The following GMDS variants were observed in gnomAD, a reference collection of about 807,000 sequenced individuals.
GMDS encodes GDP-mannose 4,6 dehydratase.
In GMDS, 20 loss-of-function variants were observed where a neutral mutation model predicts 49.9. That is an observed-to-expected ratio of 0.40 (90% CI 0.28 to 0.58). The LOEUF (loss-of-function observed/expected upper bound fraction) is 0.58. Ranked by LOEUF, GMDS falls within the 20% of genes least tolerant of loss-of-function variation. GMDS has a pLI of 0.42. For synonymous variants in GMDS, 177 were observed against 178.6 expected, an observed-to-expected ratio of 0.99 and a Z score of 0.07; for missense variants, 362 against 481.4, an observed-to-expected ratio of 0.75 and a Z score of 2.32.
chr6:1,712,858 G>A (rs904912136), intron 9 of GMDS, among the ~76,000 whole-genome samples: 2 of 152,220 alleles, frequency 1.3e-5, no homozygotes, highest in Admixed American at 6.5e-5. Context: ...GATTTCAATA[G>A]AGGTTGTTAG....
chr6:1,709,544 G>C (rs1765875012), intron 9 of GMDS, among the ~76,000 whole-genome samples: 1 of 152,224 alleles, frequency 6.6e-6, no homozygotes, highest in African/African-American at 2.4e-5. Context: ...CAACATCTCA[G>C]AGGTGACGTG....
intron 3 of GMDS, 104 bp from the exon 4 acceptor site, chr6:2,115,984 G>A: frequency 2.8e-6 from 2 of 709,254 alleles, no homozygotes; most frequent in Non-Finnish European, 5.1e-6. Context: ...TGAAAACCAG[G>A]GTCAAAATGG....
chr6:1,740,890 GT>G (rs1767244493), intron 8 of GMDS, among the ~76,000 whole-genome samples: 1 of 151,944 alleles, frequency 6.6e-6, no homozygotes, highest in African/African-American at 2.4e-5. Flanking sequence ...AATGTCATTA[GT>G]TTCCTGCACA....
At chr6:2,222,093 G>GCTT (rs1486090979) in intron 1 of GMDS, among the ~76,000 whole-genome samples, 1 of 152,224 alleles carries the variant, frequency 6.6e-6, no homozygotes, top group African/African-American at 2.4e-5. Flanking sequence ...GAGGTGATTA[G>GCTT]CTGGAAGCGA....
intron 7 of GMDS, among the ~76,000 whole-genome samples, chr6:1,862,933 A>T (rs556988101): frequency 1.3e-5 from 2 of 152,246 alleles, no homozygotes; most frequent in Non-Finnish European, 2.9e-5. Flanking sequence ...CTGAGAAAAC[A>T]TCCCAAAAAT....
rs68148013 is a variant in GMDS, at chr6:1,927,267, AT to A, written c.771+2835del. The stretch of plus-strand genomic sequence containing the variant: ...TATTCAGAGGGTAGCGTGTTGGTGT[AT>A]TTTTATTCGGAGGGTAGCGTGTTGG... On this transcript the variant is annotated intron_variant, in intron 7 of 10. Coordinates refer to ENST00000380815, the MANE Select transcript of GMDS (RefSeq NM_001500.4). Among the ~76,000 whole-genome samples, 9 of 1,004 alleles carry A rather than the reference AT, an allele frequency of 9.0e-3. 1 individual carries two copies. Among genetic ancestry groups the A allele is most frequent in the Non-Finnish European group, 0.017 (6 of 360 alleles). 0.7% of individuals were successfully genotyped at this position (1,004 alleles called of 152,430 possible). A position where few individuals can be genotyped will look rare whatever the true frequency, so the allele number is the denominator to read the frequency against.
chr6:1,982,582 A>G (rs957067067), intron 4 of GMDS, among the ~76,000 whole-genome samples: 1 of 152,194 alleles, frequency 6.6e-6, no homozygotes, highest in South Asian at 2.1e-4. Flanking sequence ...TACACCAACC[A>G]CACGCAGGCT....
rs1047346375 is a variant in GMDS at position 1,635,038 on chromosome 6, C to T, written c.988-10498G>A. 4.6e-5 allele frequency among the ~76,000 whole-genome samples: 7 copies of T among 152,176 alleles called. No homozygotes were observed. Among genetic ancestry groups the T allele is most frequent in the African/African-American group, 1.2e-4 (5 of 41,440 alleles). On this transcript the variant is annotated intron_variant, in intron 9 of 10. Coordinates refer to ENST00000380815, the MANE Select transcript of GMDS (RefSeq NM_001500.4). This position sits in a 1 kb window ranked among gnomAD's most constrained non-coding sequence, Gnocchi z 4.7. The stretch of plus-strand genomic sequence containing the variant: ...AGCGAAGTTCTCCTAGTGGAGTCTG[C>T]GTGTGCCTCTCACCACAGCCCTGCC...
intron 7 of GMDS, among the ~76,000 whole-genome samples, chr6:1,754,165 A>G (rs190510564): frequency 5.2e-4 from 79 of 152,296 alleles, no homozygotes; most frequent in Non-Finnish European, 1.5e-4. Flanking sequence ...AAAAGAGAGA[A>G]GAATCAAATA....
intron 4 of GMDS, among the ~76,000 whole-genome samples, chr6:1,985,130 C>CT (rs1445413343): frequency 2.6e-5 from 4 of 152,120 alleles, no homozygotes; most frequent in Non-Finnish European, 5.9e-5. Flanking sequence ...AGTTAAGTGT[C>CT]TAAAAAAAGA....
rs66490758 is a variant in GMDS, at chr6:1,669,917, C to CAAAAAA, written c.988-45383_988-45378dup. 4.4e-4 allele frequency among the ~76,000 whole-genome samples: 20 copies of CAAAAAA among 45,224 alleles called. 1 individual carries two copies. The highest frequency in any genetic ancestry group is 9.6e-4 in the African/African-American group (10 of 10,448). The allele number at this position is 45,224 out of a possible 152,430, so 29.7% of individuals were successfully genotyped here. On this transcript the variant is annotated intron_variant, in intron 9 of 10. Transcript: ENST00000380815. Reference sequence around the variant, plus strand: ...GAAAAAGCGAGACGAGACTCCATCTCAAAAAAAAAAAAAAAAAAAAAAAGC... The same window carrying CAAAAAA: ...GAAAAAGCGAGACGAGACTCCATCTCAAAAAAAAAAAAAAAAAAAAAAAAAAAAAGC...
chr6:2,160,253 T>G (rs4959641), intron 1 of GMDS, among the ~76,000 whole-genome samples: 6,195 of 152,286 alleles, frequency 0.041, 256 homozygotes, highest in South Asian at 0.13. Flanking sequence ...AGAGTGAAGT[T>G]CGGATAACAA....
intron 7 of GMDS, among the ~76,000 whole-genome samples, chr6:1,883,485 A>T (rs946307464): frequency 6.6e-6 from 1 of 152,214 alleles, no homozygotes; most frequent in Non-Finnish European, 1.5e-5. Flanking sequence ...TTTAAAAATT[A>T]AACAAATTAA....
chr6:2,194,392 T>C (rs952052613), intron 1 of GMDS, among the ~76,000 whole-genome samples: 1 of 152,224 alleles, frequency 6.6e-6, no homozygotes, highest in African/African-American at 2.4e-5. Flanking sequence ...GCTTCATGAT[T>C]CTTAAAGGTC....
intron 7 of GMDS, among the ~76,000 whole-genome samples, chr6:1,846,107 TGAGAC>T: frequency 6.7e-6 from 1 of 149,592 alleles, no homozygotes; most frequent in African/African-American, 2.5e-5. Flanking sequence ...TTTTCCTCCT[TGAGAC>T]AAGGTCTCTT....
intron 7 of GMDS, among the ~76,000 whole-genome samples, chr6:1,897,954 A>ATCCTGGACACCTATCCTGGCCT (rs1561872750): frequency 1.9e-3 from 40 of 20,764 alleles, no homozygotes; most frequent in African/African-American, 3.2e-3. Context: ...TATCCTGGCC[A>ATCCTGGACACCTATCCTGGCCT]CCCTTGCCAT....
At chr6:2,098,386 A>T (rs1385319055) in intron 4 of GMDS, among the ~76,000 whole-genome samples, 3 of 152,222 alleles carry the variant, frequency 2.0e-5, no homozygotes, top group Non-Finnish European at 4.4e-5. Flanking sequence ...ATTACTCTTC[A>T]AATAAGGAAA....
intron 7 of GMDS, among the ~76,000 whole-genome samples, chr6:1,865,234 C>T (rs6930647): frequency 0.27 from 41,084 of 152,068 alleles, 5,544 homozygotes; most frequent in African/African-American, 0.3. Context: ...AATTATAGAA[C>T]CTTGTATTTC....
chr6:2,183,538 G>A (rs1312588504), intron 1 of GMDS, among the ~76,000 whole-genome samples: 1 of 152,224 alleles, frequency 6.6e-6, no homozygotes, highest in African/African-American at 2.4e-5. Context: ...TGGTGAAGAT[G>A]CTATGAACAT....
Sources: gnomAD v4.1 joint callset for allele counts (sites outside exome capture counted in the v4.1 genomes callset) on GRCh38, gnomAD v4.1.1 for gene constraint, Gnocchi (gnomAD v3.1) non-coding constraint, MANE v1.5 for transcripts, NCBI Gene and HGNC (gene_info 2026-07-23, HGNC 2026-07-21) for gene names.